Variants in PKP4 observed in about 807,000 individuals in gnomAD.
PKP4 encodes the protein plakophilin 4.
In PKP4, 90 loss-of-function variants were observed where a neutral mutation model predicts 145.1. That is an observed-to-expected ratio of 0.62 (90% CI 0.52 to 0.74). PKP4 has a LOEUF of 0.74. Ranked by LOEUF, PKP4 falls within the 30% of genes least tolerant of loss-of-function variation. The pLI is 0.00. For missense variants in PKP4, 1,340 were observed against 1,482.7 expected, an observed-to-expected ratio of 0.90 and a Z score of 1.58; for synonymous variants, 563 against 577.2, an observed-to-expected ratio of 0.98 and a Z score of 0.35.
At chr2:158,607,723 G>A (rs918455437) in intron 4 of PKP4, among the ~76,000 whole-genome samples, 4 of 152,140 alleles carry the variant, frequency 2.6e-5, no homozygotes, top group African/African-American at 9.7e-5. Flanking sequence ...TACACTGGCT[G>A]AACTGAGCTG....
At position 158,494,791 on chromosome 2, in the gene PKP4, T is replaced by C. The variant is rs1158414389; in HGVS notation, c.-6+37573T>C. On this transcript the variant is annotated intron_variant, in intron 1 of 21. Coordinates refer to ENST00000389759, the MANE Select transcript of PKP4 (RefSeq NM_003628.6). ...AGATATTTAAACTGTTTTGAGCCTA[T>C]GTCCTAATCAGTGAAGTGAGAATCG... 7.2e-5 allele frequency among the ~76,000 whole-genome samples: 11 copies of C among 152,342 alleles called. No individual in the cohort carries two copies. In the East Asian group the frequency reaches 2.1e-3, roughly 29 times the overall value.
chr2:158,473,093 C>G (rs527982304), intron 1 of PKP4, among the ~76,000 whole-genome samples: 7 of 152,284 alleles, frequency 4.6e-5, no homozygotes, highest in African/African-American at 1.7e-4. Flanking sequence ...AAATGCAAAT[C>G]AAAACCACAA....
intron 11 of PKP4, 21 bp downstream of exon 11, chr2:158,642,720 C>T (rs755105415): frequency 3.9e-6 from 6 of 1,533,670 alleles, no homozygotes; most frequent in Non-Finnish European, 3.6e-6. Context: ...AATGTGATCT[C>T]GTCCTAGAGG....
intron 1 of PKP4, among the ~76,000 whole-genome samples, chr2:158,486,090 A>C (rs1574052322): frequency 6.6e-6 from 1 of 152,312 alleles, no homozygotes; most frequent in East Asian, 1.9e-4. Flanking sequence ...GAAAATTGGA[A>C]TTTATAACAT....
chr2:158,505,106 T>G (rs1373344517), intron 1 of PKP4, among the ~76,000 whole-genome samples: 1 of 152,252 alleles, frequency 6.6e-6, no homozygotes, highest in Admixed American at 6.5e-5. Flanking sequence ...CTGCTCCTGC[T>G]TACTTCATGA....
intron 3 of PKP4, among the ~76,000 whole-genome samples, chr2:158,581,883 G>T (rs544830300): frequency 6.6e-6 from 1 of 152,168 alleles, no homozygotes; most frequent in African/African-American, 2.4e-5. Flanking sequence ...TTTAGAATTA[G>T]TAGTCTTCCA....
At chr2:158,655,623 C>G (rs1384883334) in intron 11 of PKP4, among the ~76,000 whole-genome samples, 2 of 152,220 alleles carry the variant, frequency 1.3e-5, no homozygotes, top group Non-Finnish European at 2.9e-5. Flanking sequence ...TACTGGAATG[C>G]ATTTATTCTG....
At chr2:158,485,245 A>G (rs910531530) in intron 1 of PKP4, among the ~76,000 whole-genome samples, 90 of 152,344 alleles carry the variant, frequency 5.9e-4, no homozygotes, top group African/African-American at 2.0e-3. Context: ...GGCAGGCACT[A>G]TTCCACACAT....
rs756820225 is a variant in PKP4, at chr2:158,621,110, A to G, written c.401A>G (p.His134Arg). The G allele has an allele frequency of 5.6e-6, 9 of 1,614,040 alleles. No individual in the cohort carries two copies. In the East Asian group the frequency reaches 1.8e-4, roughly 32 times the overall value. ...TATTCACCAGAACAGACATCTCTCC[A>G]TGAAAGTGAGGGTCTGTTGTGTTAT... ...TLYSPEQTSL[H>R]ESEGSLGNSR... is the part of the protein sequence containing the mutation. The change falls in exon 5 of 22, where the codon CAT becomes CGT. Residue 134 changes from histidine (H) to arginine (R), a missense_variant. By Grantham distance (29) the His-to-Arg change is conservative. Coordinates refer to ENST00000389759, the MANE Select transcript of PKP4 (RefSeq NM_003628.6).
intron 4 of PKP4, among the ~76,000 whole-genome samples, chr2:158,620,068 C>T (rs1459846851): frequency 2.0e-5 from 3 of 152,084 alleles, no homozygotes; most frequent in Non-Finnish European, 4.4e-5. Context: ...GTATGTTAAA[C>T]TCAGAATGTG....
intron 4 of PKP4, among the ~76,000 whole-genome samples, chr2:158,610,132 A>T (rs760171083): frequency 6.6e-6 from 1 of 152,192 alleles, no homozygotes; most frequent in African/African-American, 2.4e-5. Flanking sequence ...ATATAAATGC[A>T]CATCTTTTGT....
At chr2:158,665,920 T>G (rs2057039566) in intron 15 of PKP4, 1 of 151,244 alleles carries the variant, frequency 6.6e-6, no homozygotes, top group Non-Finnish European at 1.5e-5. Context: ...GGCAAGGGAT[T>G]TTTCCAACTA....
At chr2:158,573,235 A>T (rs1264687436) in intron 2 of PKP4, among the ~76,000 whole-genome samples, 15 of 152,244 alleles carry the variant, frequency 9.9e-5, no homozygotes, top group Admixed American at 9.8e-4. Flanking sequence ...ATCATGTTGC[A>T]GTAAAAGCAA....
chr2:158,669,743 G>C lies in PKP4; in HGVS notation c.2752G>C (p.Val918Leu). 1 of 1,600,564 alleles carries C rather than the reference G, an allele frequency of 6.2e-7. No homozygotes were observed. The highest frequency in any genetic ancestry group is 8.5e-7 in the Non-Finnish European group (1 of 1,170,864). The change falls in exon 17 of 22, where the codon GTC becomes CTC. Residue 918 changes from valine (V) to leucine (L), a missense_variant. Val to Leu is a conservative substitution (Grantham distance 32). Coordinates refer to ENST00000389759, the MANE Select transcript of PKP4 (RefSeq NM_003628.6). Reference sequence around the variant, plus strand: ...AGGCAAATACGCCATGCGAGACCTGGTCAACCGGCTCCCCGGCGGCAATGG... The same window carrying C: ...AGGCAAATACGCCATGCGAGACCTGCTCAACCGGCTCCCCGGCGGCAATGG... The part of the protein sequence containing the change: ...LIGKYAMRDL[V>L]NRLPGGNGPS...
chr2:158,670,507 C>G (rs2057462680), intron 17 of PKP4, among the ~76,000 whole-genome samples: 1 of 152,156 alleles, frequency 6.6e-6, no homozygotes, highest in Admixed American at 6.5e-5. Context: ...GGGACACAGA[C>G]CTTCAGACCA....
At chr2:158,483,292 G>A (rs185598620) in intron 1 of PKP4, among the ~76,000 whole-genome samples, 1 of 150,676 alleles carries the variant, frequency 6.6e-6, no homozygotes, top group Non-Finnish European at 1.5e-5. Flanking sequence ...AATTTCTAAT[G>A]CTTTTCTGGG....
intron 4 of PKP4, among the ~76,000 whole-genome samples, chr2:158,612,820 C>T (rs577565141): frequency 6.1e-4 from 92 of 151,982 alleles, no homozygotes; most frequent in African/African-American, 2.0e-3. Flanking sequence ...GAGCATACCC[C>T]GGACCATCAT....
chr2:158,614,664 C>A (rs1260795013), intron 4 of PKP4, among the ~76,000 whole-genome samples: 4 of 152,090 alleles, frequency 2.6e-5, no homozygotes, highest in Non-Finnish European at 5.9e-5. Context: ...ATTCCAAAGC[C>A]ACTTATGCAT....
intron 2 of PKP4, among the ~76,000 whole-genome samples, chr2:158,534,118 A>G (rs914989165): frequency 6.6e-6 from 1 of 152,086 alleles, no homozygotes; most frequent in Admixed American, 6.5e-5. Context: ...AACATCTTAT[A>G]ATTAAGCCAC....
Sources: allele counts gnomAD v4.1 joint callset (sites outside exome capture counted in the v4.1 genomes callset), GRCh38; gene constraint gnomAD v4.1.1; transcripts MANE v1.5; gene names NCBI Gene and HGNC (gene_info 2026-07-23, HGNC 2026-07-21).